The following PDLIM5 variants were observed in gnomAD, a reference collection of about 807,000 sequenced individuals.
PDLIM5 encodes PDZ and LIM domain protein 5.
In PDLIM5, 34 loss-of-function variants were observed where a neutral mutation model predicts 64.2. The ratio of observed to expected loss-of-function variants is 0.53; its 90% CI spans 0.40 to 0.71. PDLIM5 has a LOEUF of 0.71. Ranked by LOEUF, PDLIM5 falls within the 30% of genes least tolerant of loss-of-function variation. The probability of loss-of-function intolerance (pLI) is 0.00; values close to 1 mark genes in which losing one functional copy is unlikely to be tolerated. For synonymous variants in PDLIM5, 253 were observed against 269.1 expected (o/e 0.94, Z 0.59); for missense variants, 683 against 733.6 (o/e 0.93, Z 0.80).
At chr4:94,496,194 G>C (rs1027145636) in intron 2 of PDLIM5, among the ~76,000 whole-genome samples, 4 of 152,090 alleles carry the variant, frequency 2.6e-5, no homozygotes, top group African/African-American at 9.7e-5. Flanking sequence ...TTAAAAATTT[G>C]AGTCATTTGA....
chr4:94,662,111 G>A (rs750379241), intron 11 of PDLIM5, among the ~76,000 whole-genome samples: 5 of 152,078 alleles, frequency 3.3e-5, no homozygotes, highest in African/African-American at 7.2e-5. Flanking sequence ...GAGCAACCGC[G>A]CCCGGCCAGA....
chr4:94,571,658 T>C (rs550330790), intron 3 of PDLIM5, among the ~76,000 whole-genome samples: 3 of 152,352 alleles, frequency 2.0e-5, no homozygotes, highest in Admixed American at 2.0e-4. Context: ...TTCGTAATTA[T>C]ACCTCAATTT....
chr4:94,551,426 G>T (rs1208146880), intron 3 of PDLIM5, among the ~76,000 whole-genome samples: 1 of 152,090 alleles, frequency 6.6e-6, no homozygotes, highest in Non-Finnish European at 1.5e-5. Context: ...AAATGAAAGG[G>T]TATCCCTTGA....
intron 7 of PDLIM5, chr4:94,587,329 G>T: frequency 7.9e-7 from 1 of 1,265,272 alleles, no homozygotes; most frequent in South Asian, 2.2e-5. Flanking sequence ...TCTATTTGTG[G>T]ATTTGTATCT....
chr4:94,499,426 C>T (rs1171897070), intron 2 of PDLIM5, among the ~76,000 whole-genome samples: 1 of 151,936 alleles, frequency 6.6e-6, no homozygotes, highest in Non-Finnish European at 1.5e-5. Flanking sequence ...TTATATTAGT[C>T]TTCTATATTT....
intron 7 of PDLIM5, among the ~76,000 whole-genome samples, chr4:94,604,329 G>A (rs146100881): frequency 6.6e-6 from 1 of 152,222 alleles, no homozygotes; most frequent in East Asian, 1.9e-4. Flanking sequence ...AGGCTTAGGA[G>A]GTATCTAATG....
chr4:94,504,081 T>A (rs1014670059), intron 2 of PDLIM5, among the ~76,000 whole-genome samples: 11 of 152,212 alleles, frequency 7.2e-5, no homozygotes, highest in Non-Finnish European at 1.5e-4. Flanking sequence ...ACTAGTGTTA[T>A]CACAGTCTAA....
chr4:94,641,535 TAAAAAA>T (rs1012737795), intron 9 of PDLIM5, among the ~76,000 whole-genome samples: 12 of 152,262 alleles, frequency 7.9e-5, no homozygotes, highest in Admixed American at 3.9e-4. Flanking sequence ...TTGTGACGTT[TAAAAAA>T]CATAGAAACA....
chr4:94,553,167 C>T (rs1359306467), intron 3 of PDLIM5, among the ~76,000 whole-genome samples: 1 of 151,996 alleles, frequency 6.6e-6, no homozygotes, highest in South Asian at 2.1e-4. Flanking sequence ...CTCTGATGCC[C>T]AGGCTGGAGT....
chr4:94,502,062 C>T (rs1438853520), intron 2 of PDLIM5, among the ~76,000 whole-genome samples: 2 of 151,960 alleles, frequency 1.3e-5, no homozygotes, highest in African/African-American at 4.8e-5. Flanking sequence ...TTTCTCTCCC[C>T]TTTTCCCTTA....
intron 3 of PDLIM5, among the ~76,000 whole-genome samples, chr4:94,531,979 C>T (rs1467471320): frequency 6.6e-6 from 1 of 151,846 alleles, no homozygotes; most frequent in African/African-American, 2.4e-5. Flanking sequence ...TAGATAGAAA[C>T]ATTCGTTTGG....
At chr4:94,616,444 G>C (rs992012129) in intron 7 of PDLIM5, among the ~76,000 whole-genome samples, 1 of 151,904 alleles carries the variant, frequency 6.6e-6, no homozygotes, top group Non-Finnish European at 1.5e-5. Context: ...AATGTTACTC[G>C]GTACACTTAA....
intron 8 of PDLIM5, among the ~76,000 whole-genome samples, chr4:94,634,486 G>C (rs1277097832): frequency 6.6e-6 from 1 of 151,982 alleles, no homozygotes; most frequent in Non-Finnish European, 1.5e-5. Context: ...TTTGTTCTTT[G>C]GGATATCATC....
intron 3 of PDLIM5, among the ~76,000 whole-genome samples, chr4:94,542,593 T>C (rs1458358033): frequency 6.6e-6 from 1 of 152,164 alleles, no homozygotes; most frequent in Non-Finnish European, 1.5e-5. Flanking sequence ...AGTGTCTCTT[T>C]GGGTTAGAAG....
At chr4:94,504,590 C>T (rs552344638) in intron 2 of PDLIM5, among the ~76,000 whole-genome samples, 4 of 152,064 alleles carry the variant, frequency 2.6e-5, no homozygotes, top group Admixed American at 1.3e-4. Flanking sequence ...TGGCCCGTTA[C>T]GCTATTTTCA....
At chr4:94,496,158 C>T (rs1727376325) in intron 2 of PDLIM5, among the ~76,000 whole-genome samples, 1 of 152,002 alleles carries the variant, frequency 6.6e-6, no homozygotes, top group Middle Eastern at 3.2e-3. Context: ...AGATGATTTA[C>T]ATATAACCAA....
chr4:94,575,958 G>A lies in PDLIM5; in HGVS notation c.634G>A (p.Val212Met), dbSNP rs752012659. The A allele has an allele frequency of 4.3e-6, 7 of 1,614,026 alleles. No individual in the cohort carries two copies. The South Asian group carries it at 4.4e-5, about 10-fold the overall frequency. ...NVPRQPTVTS[V>M]CSETSQELAE... ...CCCACGGCAGCCCACAGTCACCAGC[G>A]TGTGTTCCGAGACTTCTCAGGAGCT... Residue 212 changes from valine to methionine, a missense_variant, in exon 5 of 13, where the codon GTG becomes ATG. Val to Met is a conservative substitution (Grantham distance 21). Transcript: ENST00000317968.
chr4:94,653,562 A>G (rs527240705), intron 9 of PDLIM5, among the ~76,000 whole-genome samples: 7 of 151,632 alleles, frequency 4.6e-5, no homozygotes, highest in Non-Finnish European at 4.4e-5. Flanking sequence ...AATCTCTTAC[A>G]AACATTTGTT....
At chr4:94,483,330 A>G (rs1466721307) in intron 2 of PDLIM5, among the ~76,000 whole-genome samples, 1 of 152,226 alleles carries the variant, frequency 6.6e-6, no homozygotes, top group Non-Finnish European at 1.5e-5. Context: ...TCAGCATTAT[A>G]TAAATAATAT....
Sources: allele counts gnomAD v4.1 joint callset (sites outside exome capture counted in the v4.1 genomes callset), GRCh38; gene constraint gnomAD v4.1.1; transcripts MANE v1.5; gene names NCBI Gene and HGNC (gene_info 2026-07-23, HGNC 2026-07-21).